The following CD48 variants were observed in gnomAD, a reference collection of about 807,000 sequenced individuals.
The protein encoded by CD48 is CD48 antigen.
A neutral mutation model predicts 22.0 loss-of-function variants in CD48; 20 were observed. The ratio of observed to expected loss-of-function variants is 0.91; its 90% confidence interval spans 0.64 to 1.32. CD48 has a LOEUF of 1.32. CD48 is among the 40% of genes most tolerant of loss of function. The probability of loss-of-function intolerance (pLI) is 0.00; values close to 1 mark genes in which losing one functional copy is unlikely to be tolerated. For missense variants in CD48, 307 were observed against 286.5 expected (o/e 1.07, Z -0.52); for synonymous variants, 110 against 110.1 (o/e 1.00, Z 0.01).
chr1:160,698,677 A>G (rs899254877), intron 1 of CD48, among the ~76,000 whole-genome samples: 1 of 152,100 alleles, frequency 6.6e-6, no homozygotes, highest in Non-Finnish European at 1.5e-5. Flanking sequence ...TTTGTATTAC[A>G]CCCCAAATTT....
chr1:160,682,560 T>C (rs1202013873), intron 2 of CD48, among the ~76,000 whole-genome samples: 1 of 148,208 alleles, frequency 6.7e-6, no homozygotes, highest in African/African-American at 2.5e-5. Flanking sequence ...GGGAGGCAAG[T>C]AGACACAAAA....
chr1:160,703,587 T>C (rs987682124), intron 1 of CD48, among the ~76,000 whole-genome samples: 1 of 152,100 alleles, frequency 6.6e-6, no homozygotes, highest in African/African-American at 2.4e-5. Context: ...GAGCTTGCAT[T>C]AGAGTGGGGT....
chr1:160,711,369 T>C (rs536267117), intron 1 of CD48, among the ~76,000 whole-genome samples: 1 of 152,060 alleles, frequency 6.6e-6, no homozygotes, highest in South Asian at 2.1e-4. Flanking sequence ...CTTCTTCTTA[T>C]TCAAAATGAA....
intron 1 of CD48, among the ~76,000 whole-genome samples, chr1:160,710,935 C>G (rs528631580): frequency 1.3e-5 from 2 of 152,100 alleles, no homozygotes; most frequent in Non-Finnish European, 2.9e-5. Flanking sequence ...GGGGGAATAG[C>G]AAGAAAGTCA....
intron 3 of CD48, 31 bp downstream of exon 3, chr1:160,681,171 G>A: frequency 6.2e-7 from 1 of 1,613,976 alleles, no homozygotes; most frequent in South Asian, 1.1e-5. Context: ...GTTACCCTGT[G>A]CCCCCCTCAG....
At chr1:160,692,066 AT>A (rs1350815977) in intron 1 of CD48, 1 of 163,440 alleles carries the variant, frequency 6.1e-6, no homozygotes, top group Non-Finnish European at 1.3e-5. Context: ...GATCTAGAAG[AT>A]TGGAAAAGAA....
chr1:160,683,278 T>C (rs1661871179), intron 2 of CD48, among the ~76,000 whole-genome samples: 1 of 152,220 alleles, frequency 6.6e-6, no homozygotes, highest in African/African-American at 2.4e-5. Flanking sequence ...AGCTCCAAGA[T>C]GCTCGCTTTG....
intron 1 of CD48, among the ~76,000 whole-genome samples, chr1:160,691,004 G>A (rs1431118399): frequency 2.6e-5 from 4 of 152,186 alleles, no homozygotes; most frequent in East Asian, 1.9e-4. Context: ...TTGTTAAACA[G>A]ATGCTTGAAG....
chr1:160,684,880 G>A lies in CD48; in HGVS notation c.385+7C>T, dbSNP rs745876829. Reference sequence around the variant, plus strand: ...TGGGGATTTGCTCTTTGGCTCCCCTGACTCACCAAGCACTTGCAGCTTGAT... The same window carrying A: ...TGGGGATTTGCTCTTTGGCTCCCCTAACTCACCAAGCACTTGCAGCTTGAT... On this transcript the variant is annotated splice_region_variant and intron_variant, in intron 2 of 3. Coordinates refer to ENST00000368046, the MANE Select transcript of CD48 (RefSeq NM_001778.4). 6.2e-7 allele frequency: 1 copy of A among 1,614,022 alleles called. No individual in the cohort carries two copies. The highest frequency in any genetic ancestry group is 1.1e-5 in the South Asian group (1 of 91,068).
intron 1 of CD48, among the ~76,000 whole-genome samples, chr1:160,687,971 G>A (rs1487378088): frequency 6.6e-6 from 1 of 152,208 alleles, no homozygotes; most frequent in African/African-American, 2.4e-5. Flanking sequence ...TCCTATGAAT[G>A]ATCAGTCTCA....
intron 1 of CD48, among the ~76,000 whole-genome samples, chr1:160,691,021 T>G (rs1259296705): frequency 1.3e-5 from 2 of 152,172 alleles, no homozygotes; most frequent in East Asian, 3.8e-4. Flanking sequence ...GAAGGCAGCA[T>G]GCTCATTAAG....
At chr1:160,691,485 C>A (rs1662215803) in intron 1 of CD48, among the ~76,000 whole-genome samples, 1 of 152,122 alleles carries the variant, frequency 6.6e-6, no homozygotes, top group Admixed American at 6.5e-5. Context: ...GATGCAAAGA[C>A]CTTTGTTCAC....
At chr1:160,692,471 C>T (rs1243301033) in intron 1 of CD48, among the ~76,000 whole-genome samples, 2 of 152,126 alleles carry the variant, frequency 1.3e-5, no homozygotes, top group Non-Finnish European at 2.9e-5. Flanking sequence ...ACATTACAAC[C>T]TCAAGCGCAG....
intron 1 of CD48, among the ~76,000 whole-genome samples, chr1:160,711,266 G>C (rs1662936743): frequency 6.6e-6 from 1 of 152,150 alleles, no homozygotes; most frequent in Non-Finnish European, 1.5e-5. Flanking sequence ...CCTTGGCTCA[G>C]GATGCAACAC....
At chr1:160,706,718 T>TA (rs1028315367) in intron 1 of CD48, among the ~76,000 whole-genome samples, 13 of 151,956 alleles carry the variant, frequency 8.6e-5, no homozygotes, top group Non-Finnish European at 1.3e-4. Context: ...CTTTCACTTT[T>TA]AAAAAAAAGA....
chr1:160,684,848 A>G (rs755432924), intron 2 of CD48, 39 bp downstream of exon 2: 13 of 1,613,808 alleles, frequency 8.1e-6, no homozygotes, highest in Non-Finnish European at 9.3e-6. Flanking sequence ...ATCTGGGGCC[A>G]CTGGAGTGGG....
intron 1 of CD48, among the ~76,000 whole-genome samples, chr1:160,690,101 C>T (rs1014051092): frequency 4.6e-5 from 7 of 152,158 alleles, no homozygotes; most frequent in African/African-American, 1.7e-4. Flanking sequence ...CCACCACAGC[C>T]TGTCCTTGAG....
Position 160,679,039 on chromosome 1 carries a change from A to G in CD48, c.*13T>C. 1 of 1,607,230 alleles carries G rather than the reference A, an allele frequency of 6.2e-7. No individual in the cohort carries two copies. Among genetic ancestry groups the G allele is most frequent in the Non-Finnish European group, 8.5e-7 (1 of 1,173,668 alleles). On this transcript the variant is annotated 3_prime_UTR_variant, in exon 4 of 4. Transcript: ENST00000368046. ...CTGGCCTTGAAGTTTCGCTTGAGTTAAAAGAGCTCATCTCAGGTAAGTAAC... is the reference window on the plus strand; with the variant it reads ...CTGGCCTTGAAGTTTCGCTTGAGTTGAAAGAGCTCATCTCAGGTAAGTAAC...
chr1:160,681,106 CTG>C, intron 3 of CD48, 94 bp downstream of exon 3: 3 of 1,592,494 alleles, frequency 1.9e-6, no homozygotes, highest in Non-Finnish European at 2.6e-6. Context: ...CACCACCACA[CTG>C]TGCAAGGAGG....
Sources: allele counts gnomAD v4.1 joint callset (sites outside exome capture counted in the v4.1 genomes callset), GRCh38; gene constraint gnomAD v4.1.1; transcripts MANE v1.5; gene names NCBI Gene and HGNC (gene_info 2026-07-23, HGNC 2026-07-21).